The following RBM17 variants were observed in gnomAD, a reference collection of about 807,000 sequenced individuals.
RBM17 encodes splicing factor 45.
Under a neutral mutation model 53.2 loss-of-function variants are expected in RBM17, and 7 were observed. The observed-to-expected ratio is 0.13, with a 90% CI of 0.07 to 0.25. The LOEUF is 0.25. Among genes scored for constraint, RBM17 ranks in the 10% least tolerant of loss-of-function variants. RBM17 has a pLI of 1.00. For synonymous variants in RBM17, 167 were observed against 178.1 expected, an observed-to-expected ratio of 0.94 and a Z score of 0.50; for missense variants, 257 against 496.7, an observed-to-expected ratio of 0.52 and a Z score of 4.59.
intron 2 of RBM17, among the ~76,000 whole-genome samples, chr10:6,099,241 A>G (rs1840632944): frequency 6.6e-6 from 1 of 151,954 alleles, no homozygotes; most frequent in Admixed American, 6.6e-5. Context: ...CTAACTTTAT[A>G]AAACTTTTGA....
At chr10:6,103,927 G>A (rs997643723) in intron 3 of RBM17, among the ~76,000 whole-genome samples, 13 of 152,136 alleles carry the variant, frequency 8.5e-5, no homozygotes, top group Non-Finnish European at 1.8e-4. Flanking sequence ...CAGACTGGGC[G>A]CTCAAGGACA....
chr10:6,101,267 T>G lies in RBM17; in HGVS notation c.124-4T>G. The G allele has an allele frequency of 6.3e-7, 1 of 1,576,230 alleles. No homozygotes were observed. The highest frequency in any genetic ancestry group is 8.6e-7 in the Non-Finnish European group (1 of 1,161,526). On this transcript the variant is annotated splice_region_variant and splice_polypyrimidine_tract_variant and intron_variant, in intron 2 of 11. Transcript: ENST00000379888. ...TATGTTTTCCTTGTTTTTGATGATT[T>G]TAGAGCCAAAGGACGAAACAAAGTA...
chr10:6,106,450 T>A, intron 5 of RBM17: 1 of 459,824 alleles, frequency 2.2e-6, no homozygotes, highest in Non-Finnish European at 4.0e-6. Context: ...AACCACTTTC[T>A]AACATTTATT....
chr10:6,093,297 T>C (rs1840516842), intron 1 of RBM17, among the ~76,000 whole-genome samples: 1 of 152,176 alleles, frequency 6.6e-6, no homozygotes, highest in African/African-American at 2.4e-5. Context: ...CACTGCGACC[T>C]CCGCCTCCCG....
At position 6,113,868 on chromosome 10, in the gene RBM17, G is replaced by A. The variant is rs567764750; in HGVS notation, c.931-181G>A. 39 of 594,582 alleles carry A rather than the reference G, an allele frequency of 6.6e-5. 1 individual carries two copies. The South Asian group carries it at 8.0e-4, about 12-fold the overall frequency. The allele number at this position is 594,582 out of a possible 1,614,324, so 36.8% of individuals were successfully genotyped here. The stretch of plus-strand genomic sequence containing the variant: ...TAGATGCTTTTGTAACTCTTTACAG[G>A]CTTAATATATGTTTTAGTGTTTTAA... On this transcript the variant is annotated intron_variant, in intron 9 of 11. Coordinates refer to ENST00000379888, the MANE Select transcript of RBM17 (RefSeq NM_032905.5).
intron 9 of RBM17, chr10:6,113,817 A>T (rs1840873141): frequency 3.4e-6 from 2 of 584,406 alleles, no homozygotes; most frequent in South Asian, 4.3e-5. Flanking sequence ...AGAGCTTCAG[A>T]TAGTTTATAC....
intron 11 of RBM17, 37 bp from the exon 12 acceptor site, chr10:6,115,416 G>A (rs1170043753): frequency 6.5e-7 from 1 of 1,538,038 alleles, no homozygotes; most frequent in East Asian, 2.2e-5. Flanking sequence ...TTATCTTATA[G>A]GATACCTGTA....
intron 10 of RBM17, 95 bp from the exon 11 acceptor site, chr10:6,115,144 A>G: frequency 2.1e-6 from 2 of 945,098 alleles, no homozygotes; most frequent in Non-Finnish European, 3.2e-6. Flanking sequence ...TATGATGATA[A>G]TTAGAATATC....
intron 8 of RBM17, 165 bp from the exon 9 acceptor site, chr10:6,113,343 G>A: frequency 1.9e-6 from 1 of 538,654 alleles, no homozygotes; most frequent in Non-Finnish European, 3.3e-6. Flanking sequence ...TGCAGATAAG[G>A]CTGTGTTTTC....
In RBM17 at chr10:6,101,813, A is replaced by C. The variant is rs189220326; in HGVS notation, c.240+426A>C. Among the ~76,000 whole-genome samples, 4 of 152,306 alleles carry C rather than the reference A, an allele frequency of 2.6e-5. No individual in the cohort carries two copies. The East Asian group carries it at 5.8e-4, about 22-fold the overall frequency. ...AGATGGACTATAATTTAATTCCTTT[A>C]ATGCTGGATATATGGGTTGTTTCTA... On this transcript the variant is annotated intron_variant, in intron 3 of 11. Transcript: ENST00000379888.
At chr10:6,106,335 G>A (rs542799274) in intron 5 of RBM17, 97 bp downstream of exon 5, 1 of 783,674 alleles carries the variant, frequency 1.3e-6, no homozygotes, top group Non-Finnish European at 2.1e-6. Flanking sequence ...TAGTTCATTT[G>A]ACATTGATTT....
chr10:6,102,290 G>T (rs1840679976), intron 3 of RBM17, among the ~76,000 whole-genome samples: 1 of 152,180 alleles, frequency 6.6e-6, no homozygotes, highest in African/African-American at 2.4e-5. Flanking sequence ...GGCTGCATCA[G>T]GCTGGGGCAA....
chr10:6,104,926 C>G lies in RBM17; in HGVS notation c.241-5C>G. On this transcript the variant is annotated splice_region_variant and splice_polypyrimidine_tract_variant and intron_variant, in intron 3 of 11. Coordinates refer to ENST00000379888, the MANE Select transcript of RBM17 (RefSeq NM_032905.5). ...GATTCTTACTGCTGTTTTTACCTTC[C>G]TCAGGATCCTGTTCCCAGTGGGTTT... 6.2e-7 allele frequency: 1 copy of G among 1,612,014 alleles called. No individual in the cohort carries two copies. The highest frequency in any genetic ancestry group is 8.5e-7 in the Non-Finnish European group (1 of 1,178,608).
At chr10:6,108,818 C>G in intron 6 of RBM17, 76 bp downstream of exon 6, 1 of 1,175,706 alleles carries the variant, frequency 8.5e-7, no homozygotes, top group South Asian at 1.3e-5. Flanking sequence ...CAGCTTGGGC[C>G]CCCAGGTTTC....
intron 3 of RBM17, among the ~76,000 whole-genome samples, chr10:6,101,936 A>G (rs1311873883): frequency 6.6e-6 from 1 of 152,248 alleles, no homozygotes; most frequent in Admixed American, 6.5e-5. Context: ...CCTAACCTGT[A>G]TGATTCCAGT....
intron 2 of RBM17, among the ~76,000 whole-genome samples, chr10:6,098,058 A>AACG (rs1840603148): frequency 1.3e-5 from 1 of 79,544 alleles, no homozygotes; most frequent in African/African-American, 4.4e-5. Context: ...TTGAAATAAC[A>AACG]TGTAAAACAT....
chr10:6,098,294 A>G (rs75100360), intron 2 of RBM17, among the ~76,000 whole-genome samples: 2,145 of 152,170 alleles, frequency 0.014, 56 homozygotes, highest in African/African-American at 0.049. Flanking sequence ...TGCGGGAGAA[A>G]ATTTAGTCAA....
intron 2 of RBM17, among the ~76,000 whole-genome samples, chr10:6,099,367 G>A (rs572281856): frequency 1.3e-5 from 2 of 151,772 alleles, no homozygotes; most frequent in South Asian, 4.2e-4. Flanking sequence ...AACCTGTAAA[G>A]GTATTTATTT....
chr10:6,095,529 T>C (rs990915914), intron 1 of RBM17, among the ~76,000 whole-genome samples: 5 of 152,180 alleles, frequency 3.3e-5, no homozygotes, highest in Admixed American at 1.3e-4. Flanking sequence ...TTCATTCTTA[T>C]GTGATTCATT....
Sources: gnomAD v4.1 joint callset for allele counts (sites outside exome capture counted in the v4.1 genomes callset) on GRCh38, gnomAD v4.1.1 for gene constraint, MANE v1.5 for transcripts, NCBI Gene and HGNC (gene_info 2026-07-23, HGNC 2026-07-21) for gene names.